UXS1: variants seen among roughly 807,000 people sequenced by gnomAD.
UXS1 encodes UDP-glucuronic acid decarboxylase 1.
Under a neutral mutation model 62.6 loss-of-function variants are expected in UXS1, and 33 were observed. The ratio of observed to expected loss-of-function variants is 0.53; its 90% CI spans 0.40 to 0.70. The LOEUF is 0.70. Among genes scored for constraint, UXS1 ranks in the 30% least tolerant of loss-of-function variants. The pLI, the probability that UXS1 is intolerant of heterozygous loss-of-function variation, is 0.00. For missense variants in UXS1, 434 were observed against 556.3 expected, an observed-to-expected ratio of 0.78 and a Z score of 2.21; for synonymous variants, 213 against 206.8, an observed-to-expected ratio of 1.03 and a Z score of -0.26.
intron 13 of UXS1, among the ~76,000 whole-genome samples, chr2:106,098,067 C>A (rs1365170819): frequency 6.6e-6 from 1 of 152,238 alleles, no homozygotes; most frequent in Non-Finnish European, 1.5e-5. Flanking sequence ...CTTGGCCTAC[C>A]TGCCAGTCTA....
intron 1 of UXS1, among the ~76,000 whole-genome samples, chr2:106,178,382 T>C (rs1008311141): frequency 6.6e-6 from 1 of 152,244 alleles, no homozygotes; most frequent in African/African-American, 2.4e-5. Flanking sequence ...TGTACCACTA[T>C]ATTATGTTCT....
At chr2:106,130,990 G>A (rs1490680756) in intron 6 of UXS1, among the ~76,000 whole-genome samples, 1 of 151,996 alleles carries the variant, frequency 6.6e-6, no homozygotes, top group Non-Finnish European at 1.5e-5. Context: ...TTCCATCTGA[G>A]GTTCCGGGTT....
intron 12 of UXS1, 102 bp downstream of exon 12, chr2:106,100,956 G>T: frequency 7.2e-7 from 1 of 1,379,750 alleles, no homozygotes; most frequent in Non-Finnish European, 1.0e-6. Flanking sequence ...AATGTCCTAA[G>T]TGTGCCGATG....
chr2:106,117,783 C>G (rs1558692132), intron 9 of UXS1, among the ~76,000 whole-genome samples: 1 of 152,220 alleles, frequency 6.6e-6, no homozygotes, highest in Non-Finnish European at 1.5e-5. Flanking sequence ...CCTAACTCCC[C>G]TAGGGCCTGT....
At chr2:106,187,471 G>A (rs936478348) in intron 1 of UXS1, among the ~76,000 whole-genome samples, 2 of 152,174 alleles carry the variant, frequency 1.3e-5, no homozygotes, top group African/African-American at 4.8e-5. Flanking sequence ...GGCAATTGCC[G>A]ATCATGTGGG....
At chr2:106,136,818 C>T (rs1443494666) in intron 6 of UXS1, among the ~76,000 whole-genome samples, 1 of 96,584 alleles carries the variant, frequency 1.0e-5, no homozygotes, top group East Asian at 2.8e-4. Context: ...TGCTAGATGA[C>T]ACGTTAGTGG....
chr2:106,124,385 C>T (rs1436890036), intron 8 of UXS1, among the ~76,000 whole-genome samples: 1 of 152,154 alleles, frequency 6.6e-6, no homozygotes, highest in Non-Finnish European at 1.5e-5. Context: ...CACAAAATCA[C>T]CGTGGAATAA....
intron 6 of UXS1, among the ~76,000 whole-genome samples, chr2:106,142,398 T>C (rs1573496376): frequency 6.6e-6 from 1 of 152,216 alleles, no homozygotes; most frequent in African/African-American, 2.4e-5. Context: ...TAATCTCTCT[T>C]GAGATTTTTC....
At chr2:106,103,730 G>GA (rs1168919839) in intron 11 of UXS1, among the ~76,000 whole-genome samples, 9 of 152,142 alleles carry the variant, frequency 5.9e-5, no homozygotes, top group Non-Finnish European at 1.3e-4. Context: ...GGGTGGGGAG[G>GA]AAAAAACTAC....
intron 2 of UXS1, among the ~76,000 whole-genome samples, chr2:106,165,648 G>C (rs1431543080): frequency 2.0e-5 from 3 of 152,050 alleles, no homozygotes; most frequent in South Asian, 2.1e-4. Flanking sequence ...TCTCTGCATC[G>C]ATACCCACTA....
intron 14 of UXS1, 55 bp from the exon 15 acceptor site, chr2:106,094,212 C>CGCAGGAAGGAAGTGCCACCTT (rs11268588): frequency 0.68 from 811,989 of 1,185,578 alleles, 317,362 homozygotes; most frequent in Middle Eastern, 0.73. Context: ...AGAAGGGCAT[C>CGCAGGAAGGAAGTGCCACCTT]GCAGGAAGGA....
chr2:106,176,796 C>T (rs1274838546), intron 1 of UXS1, among the ~76,000 whole-genome samples: 5 of 152,238 alleles, frequency 3.3e-5, no homozygotes, highest in Non-Finnish European at 7.3e-5. Context: ...GCAAAGGGCG[C>T]TTGCTTATCA....
At chr2:106,126,666 T>A (rs577520023) in intron 7 of UXS1, among the ~76,000 whole-genome samples, 1 of 152,172 alleles carries the variant, frequency 6.6e-6, no homozygotes, top group East Asian at 1.9e-4. Flanking sequence ...CTGATTAAAT[T>A]TTTTGAGATA....
At chr2:106,125,595 T>C in intron 8 of UXS1, 25 bp downstream of exon 8, 3 of 1,549,220 alleles carry the variant, frequency 1.9e-6, no homozygotes, top group Non-Finnish European at 2.6e-6. Context: ...GGAGTGAACA[T>C]CTCCTGAGAG....
intron 6 of UXS1, among the ~76,000 whole-genome samples, chr2:106,138,011 G>A (rs1680802117): frequency 6.6e-6 from 1 of 152,018 alleles, no homozygotes; most frequent in South Asian, 2.1e-4. Context: ...TATGGGCTGT[G>A]ATCTTACACA....
intron 12 of UXS1, among the ~76,000 whole-genome samples, 198 bp from the exon 13 acceptor site, chr2:106,098,971 C>G (rs1387782551): frequency 1.3e-5 from 2 of 152,216 alleles, no homozygotes; most frequent in African/African-American, 4.8e-5. Flanking sequence ...ACTGCACCAT[C>G]TATACCTTCA....
At chr2:106,167,101 G>T (rs1360308925) in intron 1 of UXS1, among the ~76,000 whole-genome samples, 1 of 152,148 alleles carries the variant, frequency 6.6e-6, no homozygotes, top group Non-Finnish European at 1.5e-5. Context: ...TATACAGCTG[G>T]CCTTCAGTAA....
At chr2:106,142,050 T>C (rs1681150788) in intron 6 of UXS1, among the ~76,000 whole-genome samples, 1 of 151,938 alleles carries the variant, frequency 6.6e-6, no homozygotes, top group South Asian at 2.1e-4. Flanking sequence ...TTTTGTATTT[T>C]TGGTAGAGAC....
chr2:106,106,809 A>C (rs572367009), intron 10 of UXS1, among the ~76,000 whole-genome samples: 56 of 152,282 alleles, frequency 3.7e-4, no homozygotes, highest in Non-Finnish European at 5.7e-4. Flanking sequence ...TCCCCTCTAC[A>C]CCAGTGCCGT....
Sources: allele counts gnomAD v4.1 joint callset (sites outside exome capture counted in the v4.1 genomes callset), GRCh38; gene constraint gnomAD v4.1.1; transcripts MANE v1.5; gene names NCBI Gene and HGNC (gene_info 2026-07-23, HGNC 2026-07-21).